The following KDM4C variants were observed in gnomAD, a reference collection of about 807,000 sequenced individuals.
KDM4C encodes the protein lysine demethylase 4C, also known as lysine-specific demethylase 4C.
Under a neutral mutation model 129.3 loss-of-function variants are expected in KDM4C, and 81 were observed. That is an observed-to-expected ratio of 0.63 (90% CI 0.52 to 0.75). KDM4C has a LOEUF of 0.75. Ranked by LOEUF, KDM4C falls within the 30% of genes least tolerant of loss-of-function variation. KDM4C has a pLI of 0.00. For synonymous variants in KDM4C, 573 were observed against 456.1 expected (o/e 1.26, Z -3.26); for missense variants, 1,457 against 1,304.0 (o/e 1.12, Z -1.81).
At chr9:6,745,717 C>T (rs1430099913) in intron 1 of KDM4C, among the ~76,000 whole-genome samples, 1 of 152,090 alleles carries the variant, frequency 6.6e-6, no homozygotes, top group African/African-American at 2.4e-5. Context: ...TGGCTCACTG[C>T]AACCTTTGCC....
chr9:6,758,084 A>G lies in KDM4C; in HGVS notation c.-137A>G, dbSNP rs1318221533. 5.1e-6 allele frequency: 5 copies of G among 985,410 alleles called. No individual in the cohort carries two copies. In the African/African-American group the frequency reaches 8.7e-5, roughly 17 times the overall value. 61.0% of individuals were successfully genotyped at this position (985,410 alleles called of 1,614,324 possible). A position where few individuals can be genotyped will look rare whatever the true frequency, so the allele number is the denominator to read the frequency against. On this transcript the variant is annotated 5_prime_UTR_variant, in exon 1 of 22. Transcript: ENST00000381309. The surrounding 1 kb of genome is among the most constrained non-coding windows in gnomAD (Gnocchi z 4.6). The stretch of plus-strand genomic sequence containing the variant: ...CGGGGTCCTGTGCGCGTGCGCAGCG[A>G]ACAGCTGTCACCTAGTGCGGAACAA...
intron 8 of KDM4C, among the ~76,000 whole-genome samples, chr9:6,950,757 G>C (rs186811515): frequency 6.6e-6 from 1 of 152,130 alleles, no homozygotes; most frequent in Admixed American, 6.5e-5. Context: ...ACTTTTTTAT[G>C]GTTAACTAAC....
intron 8 of KDM4C, among the ~76,000 whole-genome samples, chr9:6,934,145 G>C (rs1457905225): frequency 6.6e-6 from 1 of 150,894 alleles, no homozygotes; most frequent in Non-Finnish European, 1.5e-5. Flanking sequence ...GAGCCATTGC[G>C]CCTGGCCCAG....
chr9:7,042,750 GC>G (rs1828805632), intron 15 of KDM4C, among the ~76,000 whole-genome samples: 1 of 152,016 alleles, frequency 6.6e-6, no homozygotes, highest in African/African-American at 2.4e-5. Context: ...CTTGCCTTAT[GC>G]TTTGGGGCAG....
chr9:6,839,872 C>A (rs1474794325), intron 4 of KDM4C, among the ~76,000 whole-genome samples: 1 of 152,004 alleles, frequency 6.6e-6, no homozygotes, highest in Non-Finnish European at 1.5e-5. Context: ...CACTGCACTG[C>A]AGCCTGGGTG....
intron 18 of KDM4C, chr9:7,127,835 T>C: frequency 2.6e-6 from 1 of 391,576 alleles, no homozygotes; most frequent in Non-Finnish European, 4.5e-6. Flanking sequence ...ACAAAACCAA[T>C]GGATGAACCT....
At chr9:7,025,184 C>G (rs1044845289) in intron 15 of KDM4C, among the ~76,000 whole-genome samples, 1 of 152,158 alleles carries the variant, frequency 6.6e-6, no homozygotes, top group Admixed American at 6.5e-5. Context: ...GCTACTCCAG[C>G]TCTTTTTTGC....
chr9:6,834,531 G>A, intron 4 of KDM4C: 1 of 671,222 alleles, frequency 1.5e-6, no homozygotes, highest in East Asian at 2.8e-5. Context: ...AGGTGACGAT[G>A]ACCCCCGGCC....
intron 8 of KDM4C, among the ~76,000 whole-genome samples, chr9:6,913,579 G>A (rs1170243387): frequency 6.6e-6 from 1 of 152,220 alleles, no homozygotes; most frequent in Non-Finnish European, 1.5e-5. Flanking sequence ...GGGTGGGTCA[G>A]TGGACTTCAC....
intron 17 of KDM4C, among the ~76,000 whole-genome samples, chr9:7,055,073 G>C (rs1830689452): frequency 6.6e-6 from 1 of 152,020 alleles, no homozygotes; most frequent in Admixed American, 6.5e-5. Context: ...AGCTGCTCGG[G>C]AGCCTATCGC....
At chr9:6,849,075 G>A (rs1838366728) in intron 4 of KDM4C, among the ~76,000 whole-genome samples, 1 of 152,150 alleles carries the variant, frequency 6.6e-6, no homozygotes, top group Non-Finnish European at 1.5e-5. Flanking sequence ...ATGTGATGGT[G>A]AATATTACCT....
chr9:6,853,352 C>T (rs531711418), intron 5 of KDM4C, among the ~76,000 whole-genome samples: 44 of 152,022 alleles, frequency 2.9e-4, no homozygotes, highest in African/African-American at 1.0e-3. Context: ...ATTAGCCGGT[C>T]ATAGTGGCTC....
intron 4 of KDM4C, chr9:6,835,075 G>A (rs753642895): frequency 5.1e-6 from 5 of 981,434 alleles, no homozygotes; most frequent in East Asian, 2.4e-5. Context: ...GTGGGATATC[G>A]TGCGTGACAT....
rs190034011 is a variant in KDM4C at position 6,976,605 on chromosome 9, A to G, written c.922-4320A>G. ...TTTCGCTTTGTGTTGGATAGAATAT[A>G]GAACAGATGCCTTTTTCATGCTGTA... On this transcript the variant is annotated intron_variant, in intron 8 of 21. Transcript: ENST00000381309. Among the ~76,000 whole-genome samples, 7 of 152,342 alleles carry G rather than the reference A, an allele frequency of 4.6e-5. No individual in the cohort carries two copies. In the East Asian group the frequency reaches 9.6e-4, roughly 21 times the overall value.
rs143979196 is a variant in KDM4C at position 6,802,740 on chromosome 9, T to G, written c.145-2859T>G. Reference sequence around the variant, plus strand: ...ACCTGCCTCAGCCTCCGGAGGAGCTTGGACTACAGGCATTGACCACCACGT... The same window carrying G: ...ACCTGCCTCAGCCTCCGGAGGAGCTGGGACTACAGGCATTGACCACCACGT... On this transcript the variant is annotated intron_variant, in intron 2 of 21. Coordinates refer to ENST00000381309, the MANE Select transcript of KDM4C (RefSeq NM_015061.6). Among the ~76,000 whole-genome samples, 1,023 of 152,286 alleles carry G rather than the reference T, an allele frequency of 6.7e-3. 15 individuals carry two copies. The highest frequency in any genetic ancestry group is 0.024 in the African/African-American group (981 of 41,560).
intron 8 of KDM4C, among the ~76,000 whole-genome samples, chr9:6,966,208 A>C (rs1290499886): frequency 2.6e-5 from 4 of 152,002 alleles, no homozygotes; most frequent in African/African-American, 9.7e-5. Context: ...TTTTAGACGG[A>C]GTCTCGCTCT....
At chr9:6,880,145 C>A in intron 6 of KDM4C, 84 bp downstream of exon 6, 1 of 754,854 alleles carries the variant, frequency 1.3e-6, no homozygotes, top group Non-Finnish European at 2.2e-6. Context: ...GTACTTTTTA[C>A]AATATAGACC....
At chr9:7,101,909 G>C (rs1837140441) in intron 17 of KDM4C, among the ~76,000 whole-genome samples, 1 of 152,184 alleles carries the variant, frequency 6.6e-6, no homozygotes, top group Non-Finnish European at 1.5e-5. Flanking sequence ...CCTGATAGGA[G>C]TTTTTGCTTT....
chr9:7,053,159 G>C (rs75538345), intron 17 of KDM4C, among the ~76,000 whole-genome samples: 3,424 of 152,198 alleles, frequency 0.022, 131 homozygotes, highest in African/African-American at 0.077. Context: ...TTATATGAAG[G>C]CTGTTTATTT....
Sources: gnomAD v4.1 joint callset for allele counts (sites outside exome capture counted in the v4.1 genomes callset) on GRCh38, gnomAD v4.1.1 for gene constraint, Gnocchi (gnomAD v3.1) non-coding constraint, MANE v1.5 for transcripts, NCBI Gene and HGNC (gene_info 2026-07-23, HGNC 2026-07-21) for gene names.